NSG2: variants seen among roughly 807,000 people sequenced by gnomAD.
The protein encoded by NSG2 is neuronal vesicle trafficking-associated protein 2.
NSG2 carries 4 observed loss-of-function variants against 16.9 expected under a neutral mutation model. The ratio of observed to expected loss-of-function variants is 0.24; its 90% CI spans 0.12 to 0.54. NSG2 has a LOEUF of 0.54. NSG2 is among the 20% of genes least tolerant of loss of function. The probability of loss-of-function intolerance (pLI) is 0.95; values close to 1 mark genes in which losing one functional copy is unlikely to be tolerated. For synonymous variants in NSG2, 98 were observed against 88.7 expected (o/e 1.11, Z -0.59); for missense variants, 179 against 221.1 (o/e 0.81, Z 1.21).
chr5:174,046,575 G>A, intron 1 of NSG2, 159 bp from the exon 2 acceptor site: 2 of 609,716 alleles, frequency 3.3e-6, no homozygotes, highest in Non-Finnish European at 5.6e-6. Context: ...GTTGGACAAT[G>A]GGAATCATGT....
intron 2 of NSG2, among the ~76,000 whole-genome samples, chr5:174,048,864 C>A (rs529472851): frequency 4.6e-5 from 7 of 152,312 alleles, no homozygotes; most frequent in Non-Finnish European, 1.0e-4. Flanking sequence ...ATGCATGCAA[C>A]GTGAAGCCAA....
intron 3 of NSG2, among the ~76,000 whole-genome samples, chr5:174,080,543 CTCTCTCTTTCTTT>C (rs1197578959): frequency 1.4e-4 from 21 of 147,742 alleles, no homozygotes; most frequent in Admixed American, 2.7e-4. Flanking sequence ...CTCTCTCTCT[CTCTCTCTTTCTTT>C]TCTTTCTTTT....
At chr5:174,047,942 G>A (rs1759827884) in intron 2 of NSG2, among the ~76,000 whole-genome samples, 2 of 152,194 alleles carry the variant, frequency 1.3e-5, no homozygotes, top group African/African-American at 4.8e-5. Flanking sequence ...CTGCAGGAGG[G>A]CATTGTGTGT....
chr5:174,093,719 C>G (rs192776618), intron 3 of NSG2, among the ~76,000 whole-genome samples: 4 of 152,260 alleles, frequency 2.6e-5, no homozygotes, highest in African/African-American at 9.6e-5. Flanking sequence ...GTTTGGCCGC[C>G]CTGTTTTTAT....
intron 3 of NSG2, chr5:174,091,062 A>G (rs985381758): frequency 5.5e-5 from 5 of 90,234 alleles, no homozygotes; most frequent in African/African-American, 2.2e-4. Context: ...TTTTTTTTCC[A>G]TCAACTTTTC....
intron 4 of NSG2, among the ~76,000 whole-genome samples, chr5:174,106,159 AT>A (rs2113482414): frequency 6.6e-6 from 1 of 152,292 alleles, no homozygotes; most frequent in East Asian, 1.9e-4. Context: ...GGAAGGATAC[AT>A]TTTAAAAATT....
At chr5:174,073,355 CTCTT>C (rs1318017426) in intron 3 of NSG2, among the ~76,000 whole-genome samples, 3 of 152,188 alleles carry the variant, frequency 2.0e-5, no homozygotes, top group African/African-American at 4.8e-5. Flanking sequence ...TTATTGCTCT[CTCTT>C]TCTTTTAAAT....
chr5:174,081,208 C>T (rs1458610926), intron 3 of NSG2, among the ~76,000 whole-genome samples: 1 of 151,888 alleles, frequency 6.6e-6, no homozygotes, highest in African/African-American at 2.4e-5. Flanking sequence ...TAATATTGCT[C>T]CTCTTTTTCT....
At position 174,108,706 on chromosome 5, in the gene NSG2, A is replaced by G. The variant is rs930878549; in HGVS notation, c.*1201A>G. The G allele has an allele frequency of 3.3e-5, 5 of 152,414 alleles. No individual in the cohort carries two copies. Among genetic ancestry groups the G allele is most frequent in the African/African-American group, 1.2e-4 (5 of 41,470 alleles). The allele number at this position is 152,414 out of a possible 1,614,324, so 9.4% of individuals were successfully genotyped here. A position where few individuals can be genotyped will look rare whatever the true frequency, so the allele number is the denominator to read the frequency against. On this transcript the variant is annotated 3_prime_UTR_variant, in exon 5 of 5. Transcript: ENST00000303177. The stretch of plus-strand genomic sequence containing the variant: ...AGGCCTCCCAGTTCCCTGGAACCGT[A>G]TCAGGCATTCGCCTGCCTCTCACAA...
chr5:174,046,646 T>C (rs1759804309), intron 1 of NSG2, 88 bp from the exon 2 acceptor site: 1 of 1,133,732 alleles, frequency 8.8e-7, no homozygotes, highest in Non-Finnish European at 1.3e-6. Context: ...TGAGTGGAGC[T>C]GTTGAGGACA....
chr5:174,061,177 ATAAAAT>A (rs368311846), intron 2 of NSG2, among the ~76,000 whole-genome samples: 10 of 152,328 alleles, frequency 6.6e-5, no homozygotes, highest in African/African-American at 1.4e-4. Flanking sequence ...GCATGGGGAG[ATAAAAT>A]TAAAATTGTA....
At chr5:174,057,589 G>A (rs1259793465) in intron 2 of NSG2, among the ~76,000 whole-genome samples, 2 of 152,192 alleles carry the variant, frequency 1.3e-5, no homozygotes. Flanking sequence ...TACCTTCACT[G>A]TGGCCAGAGG....
chr5:174,059,688 C>T (rs1403086178), intron 2 of NSG2, among the ~76,000 whole-genome samples: 1 of 152,060 alleles, frequency 6.6e-6, no homozygotes, highest in Non-Finnish European at 1.5e-5. Context: ...AGGTGCAATC[C>T]CGGGGTAGGA....
At chr5:174,046,485 G>A (rs1169752177) in intron 1 of NSG2, among the ~76,000 whole-genome samples, 3 of 152,120 alleles carry the variant, frequency 2.0e-5, no homozygotes, top group Non-Finnish European at 2.9e-5. Flanking sequence ...ATAGGTTTAG[G>A]ATTTTCCTTG....
rs144501741 is a variant in NSG2 at position 174,058,336 on chromosome 5, C to T, written c.130-5896C>T. The stretch of plus-strand genomic sequence containing the variant: ...GTCCAAACTACTCAGGAGGCTGAGA[C>T]AGGAGAATTTCTTGAACCCAAAAGG... On this transcript the variant is annotated intron_variant, in intron 2 of 4. Transcript: ENST00000303177. Among the ~76,000 whole-genome samples the T allele has an allele frequency of 2.3e-3, 350 of 152,208 alleles. 2 individuals carry two copies. The highest frequency in any genetic ancestry group is 8.1e-3 in the African/African-American group (337 of 41,526).
intron 4 of NSG2, 92 bp downstream of exon 4, chr5:174,104,430 A>G (rs1760946277): frequency 2.3e-6 from 2 of 884,508 alleles, no homozygotes; most frequent in Admixed American, 3.7e-5. Flanking sequence ...AATTCTGGGT[A>G]TGACGACCTC....
chr5:174,098,611 C>T lies in NSG2; in HGVS notation c.214-5617C>T, dbSNP rs532946970. Among the ~76,000 whole-genome samples the T allele has an allele frequency of 1.9e-4, 29 of 152,324 alleles. 1 individual carries two copies. Among genetic ancestry groups the T allele is most frequent in the African/African-American group, 6.7e-4 (28 of 41,578 alleles). On this transcript the variant is annotated intron_variant, in intron 3 of 4. Transcript: ENST00000303177. Reference sequence around the variant, plus strand: ...AGGACCACCCCGTCAAAGGGCCCCCCTCGTGTGCTCTGTTCAGACCACATT... The same window carrying T: ...AGGACCACCCCGTCAAAGGGCCCCCTTCGTGTGCTCTGTTCAGACCACATT...
chr5:174,060,733 C>T (rs777431408), intron 2 of NSG2, among the ~76,000 whole-genome samples: 2 of 152,128 alleles, frequency 1.3e-5, no homozygotes, highest in Non-Finnish European at 2.9e-5. Context: ...TTGAGGCTGT[C>T]GACAGATTTC....
At chr5:174,095,436 G>A (rs1760781278) in intron 3 of NSG2, among the ~76,000 whole-genome samples, 1 of 152,100 alleles carries the variant, frequency 6.6e-6, no homozygotes, top group African/African-American at 2.4e-5. Context: ...CTTGTGGTGA[G>A]CGCAGGTGTT....
Sources: gnomAD v4.1 joint callset for allele counts (sites outside exome capture counted in the v4.1 genomes callset) on GRCh38, gnomAD v4.1.1 for gene constraint, MANE v1.5 for transcripts, NCBI Gene and HGNC (gene_info 2026-07-23, HGNC 2026-07-21) for gene names.